Variants in ST6GALNAC5 observed in about 807,000 individuals in gnomAD.
The protein encoded by ST6GALNAC5 is alpha-N-acetylgalactosaminide alpha-2,6-sialyltransferase 5.
In ST6GALNAC5, 27 loss-of-function variants were observed where a neutral mutation model predicts 33.6. The observed-to-expected ratio is 0.80, with a 90% confidence interval of 0.59 to 1.11. ST6GALNAC5 has a LOEUF of 1.11. Ranked by LOEUF, ST6GALNAC5 falls within the 50% of genes least tolerant of loss-of-function variation. The pLI is 0.00. For missense variants in ST6GALNAC5, 428 were observed against 454.0 expected (o/e 0.94, Z 0.52); for synonymous variants, 194 against 171.2 (o/e 1.13, Z -1.04).
rs562005637 is a variant in ST6GALNAC5 at position 76,897,799 on chromosome 1, G to A, written c.261+29057G>A. On this transcript the variant is annotated intron_variant, in intron 2 of 4. Coordinates refer to ENST00000477717, the MANE Select transcript of ST6GALNAC5 (RefSeq NM_030965.3). ...AAAAAGGAGTGCTTAAAAGAGTATT[G>A]TCTAAGTTGGCACCAGAGTTGGGAA... Among the ~76,000 whole-genome samples the A allele has an allele frequency of 5.3e-5, 8 of 152,310 alleles. No individual in the cohort carries two copies. In the East Asian group the frequency reaches 1.5e-3, roughly 29 times the overall value.
intron 2 of ST6GALNAC5, among the ~76,000 whole-genome samples, chr1:76,978,401 T>C (rs1202292252): frequency 6.6e-6 from 1 of 152,142 alleles, no homozygotes; most frequent in Non-Finnish European, 1.5e-5. Flanking sequence ...GAAACCAATC[T>C]CATCAACACA....
At chr1:76,888,002 G>A (rs909594643) in intron 2 of ST6GALNAC5, among the ~76,000 whole-genome samples, 10 of 151,948 alleles carry the variant, frequency 6.6e-5, no homozygotes, top group Non-Finnish European at 1.2e-4. Context: ...AAATCTTTAC[G>A]GCATTTGAAC....
At chr1:76,878,366 C>T (rs528900279) in intron 2 of ST6GALNAC5, among the ~76,000 whole-genome samples, 2 of 152,214 alleles carry the variant, frequency 1.3e-5, no homozygotes, top group South Asian at 2.1e-4. Flanking sequence ...GGGGACCCAC[C>T]AGACCCACTG....
rs1380158383 is a variant in ST6GALNAC5, at chr1:77,067,182, T to C, written c.*3976T>C. Among the ~76,000 whole-genome samples the C allele has an allele frequency of 6.6e-6, 1 of 152,074 alleles. No individual in the cohort carries two copies. The highest frequency in any genetic ancestry group is 2.4e-5 in the African/African-American group (1 of 41,414). On this transcript the variant is annotated 3_prime_UTR_variant, in exon 5 of 5. Coordinates refer to ENST00000477717, the MANE Select transcript of ST6GALNAC5 (RefSeq NM_030965.3). ...CTGGGGGGCAGGATGTGTGAACCAA[T>C]TGCCTAGGTGTTAGCACATGCCAGA...
At chr1:77,046,082 CT>C (rs1201447271) in intron 3 of ST6GALNAC5, among the ~76,000 whole-genome samples, 1 of 152,150 alleles carries the variant, frequency 6.6e-6, no homozygotes, top group African/African-American at 2.4e-5. Context: ...TAATTTACCC[CT>C]CTTACAAAAA....
intron 2 of ST6GALNAC5, among the ~76,000 whole-genome samples, chr1:77,039,442 A>C (rs929481866): frequency 2.6e-5 from 4 of 152,224 alleles, no homozygotes; most frequent in Non-Finnish European, 5.9e-5. Context: ...CTCTGCAGAC[A>C]GAGGTTTCCA....
At chr1:76,949,319 T>C (rs1017954251) in intron 2 of ST6GALNAC5, among the ~76,000 whole-genome samples, 1 of 152,170 alleles carries the variant, frequency 6.6e-6, no homozygotes. Flanking sequence ...AGGAGAAAGA[T>C]GATGTTCTGA....
At chr1:76,920,385 T>G (rs1337986815) in intron 2 of ST6GALNAC5, among the ~76,000 whole-genome samples, 2 of 152,220 alleles carry the variant, frequency 1.3e-5, no homozygotes, top group African/African-American at 4.8e-5. Context: ...TTGGTGAATT[T>G]CAGATGCATG....
chr1:76,916,736 T>C (rs1285282758), intron 2 of ST6GALNAC5, among the ~76,000 whole-genome samples: 1 of 152,110 alleles, frequency 6.6e-6, no homozygotes, highest in East Asian at 1.9e-4. Flanking sequence ...ATATAGAATA[T>C]GAGATTTTTG....
chr1:77,008,283 G>A (rs1365458327), intron 2 of ST6GALNAC5, among the ~76,000 whole-genome samples: 1 of 152,172 alleles, frequency 6.6e-6, no homozygotes, highest in East Asian at 1.9e-4. Flanking sequence ...TTCAGTGGGG[G>A]AGAATTAGGA....
Position 77,025,079 on chromosome 1 carries a change from G to A in ST6GALNAC5, c.262-19125G>A, listed in dbSNP as rs77827940. 3.2e-3 allele frequency among the ~76,000 whole-genome samples: 494 copies of A among 152,260 alleles called. 3 individuals carry two copies. The highest frequency in any genetic ancestry group is 5.5e-3 in the Non-Finnish European group (374 of 68,012). ...TTAAGAGGTACTGGAAAGCCTGATC[G>A]ATTCTGAAGTCTTGCACTCCCCAGC... On this transcript the variant is annotated intron_variant, in intron 2 of 4. Transcript: ENST00000477717.
intron 2 of ST6GALNAC5, among the ~76,000 whole-genome samples, chr1:77,009,881 TC>T (rs1650569859): frequency 6.6e-6 from 1 of 152,206 alleles, no homozygotes; most frequent in Admixed American, 6.5e-5. Flanking sequence ...GTGACCTTGA[TC>T]CTTTCCCATT....
At chr1:76,903,097 A>G (rs1331510345) in intron 2 of ST6GALNAC5, among the ~76,000 whole-genome samples, 1 of 152,178 alleles carries the variant, frequency 6.6e-6, no homozygotes, top group South Asian at 2.1e-4. Context: ...AAGAAGTAAA[A>G]AAACAACCCA....
At chr1:76,895,135 C>T (rs1654099702) in intron 2 of ST6GALNAC5, among the ~76,000 whole-genome samples, 1 of 152,126 alleles carries the variant, frequency 6.6e-6, no homozygotes, top group Non-Finnish European at 1.5e-5. Context: ...GGAATGTCAT[C>T]AGTTAAGGCA....
At position 76,983,449 on chromosome 1, in the gene ST6GALNAC5, A is replaced by T. The variant is rs576196858; in HGVS notation, c.262-60755A>T. Among the ~76,000 whole-genome samples the T allele has an allele frequency of 7.9e-5, 12 of 152,366 alleles. No individual in the cohort carries two copies. The East Asian group carries it at 2.1e-3, about 27-fold the overall frequency. On this transcript the variant is annotated intron_variant, in intron 2 of 4. Coordinates refer to ENST00000477717, the MANE Select transcript of ST6GALNAC5 (RefSeq NM_030965.3). ...TACATAATGGTAAAGGGATCAATTC[A>T]ACCAGAAGAGCTAACTATCCTAAAT...
chr1:76,936,414 G>T (rs901604105), intron 2 of ST6GALNAC5, among the ~76,000 whole-genome samples: 4 of 151,964 alleles, frequency 2.6e-5, no homozygotes, highest in African/African-American at 9.7e-5. Context: ...CTTATCTTCA[G>T]ATGGAAGTAA....
At position 76,899,178 on chromosome 1, in the gene ST6GALNAC5, A is replaced by G. The variant is rs1204429968; in HGVS notation, c.261+30436A>G. ...TTGCAGAAGAAAATAAGATGGTTAAATTTTAGGTCAGGTGAGAGTTGAAGA... is the reference window on the plus strand; with the variant it reads ...TTGCAGAAGAAAATAAGATGGTTAAGTTTTAGGTCAGGTGAGAGTTGAAGA... On this transcript the variant is annotated intron_variant, in intron 2 of 4. Transcript: ENST00000477717. Among the ~76,000 whole-genome samples the G allele has an allele frequency of 5.3e-5, 8 of 152,186 alleles. No individual in the cohort carries two copies. In the East Asian group the frequency reaches 1.5e-3, roughly 29 times the overall value.
At chr1:76,919,175 A>G (rs562844301) in intron 2 of ST6GALNAC5, among the ~76,000 whole-genome samples, 2 of 152,188 alleles carry the variant, frequency 1.3e-5, no homozygotes, top group South Asian at 4.1e-4. Flanking sequence ...TGAAGAATAA[A>G]CGTGCCCTCC....
At chr1:76,885,475 T>C (rs934880133) in intron 2 of ST6GALNAC5, among the ~76,000 whole-genome samples, 11 of 152,370 alleles carry the variant, frequency 7.2e-5, no homozygotes, top group African/African-American at 2.4e-4. Context: ...TACTTCCTTC[T>C]AGTTTTTTAT....
Sources: gnomAD v4.1 joint callset for allele counts (sites outside exome capture counted in the v4.1 genomes callset) on GRCh38, gnomAD v4.1.1 for gene constraint, MANE v1.5 for transcripts, NCBI Gene and HGNC (gene_info 2026-07-23, HGNC 2026-07-21) for gene names.